Variants in SCO1 observed in about 807,000 individuals in gnomAD.
The protein encoded by SCO1 is cytochrome c oxidase assembly factor SCO1.
A neutral mutation model predicts 34.0 loss-of-function variants in SCO1; 23 were observed. The observed-to-expected ratio is 0.68, with a 90% CI of 0.49 to 0.96. SCO1 has a LOEUF of 0.96. Ranked by LOEUF, SCO1 falls within the 40% of genes least tolerant of loss-of-function variation. SCO1 has a pLI of 0.00. For synonymous variants in SCO1, 161 were observed against 145.5 expected, an observed-to-expected ratio of 1.11 and a Z score of -0.77; for missense variants, 404 against 381.6, an observed-to-expected ratio of 1.06 and a Z score of -0.49.
chr17:10,686,903 T>C (rs1041335682), intron 4 of SCO1, 61 bp from the exon 5 acceptor site: 12 of 1,077,528 alleles, frequency 1.1e-5, no homozygotes, highest in African/African-American at 1.1e-4. Context: ...CCATCTCTAC[T>C]TCAAAAAATG....
In SCO1 at chr17:10,683,625, T is replaced by A. The variant is rs77477798; in HGVS notation, c.772-2372A>T. Among the ~76,000 whole-genome samples, 131 of 152,186 alleles carry A rather than the reference T, an allele frequency of 8.6e-4. 1 individual carries two copies. The highest frequency in any genetic ancestry group is 2.7e-3 in the African/African-American group (112 of 41,542). ...GAGCCAAGAGAAAAATGTTACCTCATTATACAATTCACATTTCTTTTATTA... is the reference window on the plus strand; with the variant it reads ...GAGCCAAGAGAAAAATGTTACCTCAATATACAATTCACATTTCTTTTATTA... On this transcript the variant is annotated intron_variant, in intron 5 of 5. Transcript: ENST00000255390.
At chr17:10,696,815 TAAG>T (rs2074731642) in intron 1 of SCO1, among the ~76,000 whole-genome samples, 1 of 152,188 alleles carries the variant, frequency 6.6e-6, no homozygotes, top group African/African-American at 2.4e-5. Flanking sequence ...CACACATAAC[TAAG>T]TTCCACTTTT....
chr17:10,689,357 T>C (rs1020390766), intron 4 of SCO1, among the ~76,000 whole-genome samples: 4 of 152,192 alleles, frequency 2.6e-5, no homozygotes, highest in African/African-American at 9.7e-5. Context: ...CAGCAGATCC[T>C]TCATAAAACA....
intron 1 of SCO1, among the ~76,000 whole-genome samples, chr17:10,696,897 A>C (rs924508921): frequency 6.6e-6 from 1 of 152,072 alleles, no homozygotes; most frequent in African/African-American, 2.4e-5. Flanking sequence ...AAGTCCTCTG[A>C]CTTCTCAATC....
At chr17:10,696,011 G>A (rs2074721039) in intron 1 of SCO1, among the ~76,000 whole-genome samples, 180 bp from the exon 2 acceptor site, 3 of 132,398 alleles carry the variant, frequency 2.3e-5, no homozygotes, top group Non-Finnish European at 4.6e-5. Flanking sequence ...TCTGGGATCT[G>A]AACTACAAAG....
intron 2 of SCO1, among the ~76,000 whole-genome samples, chr17:10,693,538 TATATAG>T (rs1478833887): frequency 1.3e-5 from 2 of 152,262 alleles, no homozygotes; most frequent in East Asian, 1.9e-4. Context: ...AACTTCTATC[TATATAG>T]ATATAAATAA....
At chr17:10,683,736 TTA>T (rs201902186) in intron 5 of SCO1, among the ~76,000 whole-genome samples, 3 of 149,718 alleles carry the variant, frequency 2.0e-5, no homozygotes, top group East Asian at 1.9e-4. Context: ...TAATATAGTA[TTA>T]TATATATATA....
At position 10,679,393 on chromosome 17, in the gene SCO1, T is replaced by G. The variant is rs538265674; in HGVS notation, c.*1726A>C. 1 of 152,370 alleles carries G rather than the reference T, an allele frequency of 6.6e-6. No homozygotes were observed. The highest frequency in any genetic ancestry group is 1.9e-4 in the East Asian group (1 of 5,190). The allele number at this position is 152,370 out of a possible 1,614,324, so 9.4% of individuals were successfully genotyped here. A position where few individuals can be genotyped will look rare whatever the true frequency, so the allele number is the denominator to read the frequency against. On this transcript the variant is annotated 3_prime_UTR_variant, in exon 6 of 6. Transcript: ENST00000255390. ...GATTAGGGCTTCAATGTATAAATTT[T>G]GGGGGACATTATTCAACCTATAACT... is the stretch of plus-strand genomic sequence containing the variant.
At chr17:10,696,754 A>G (rs1300784554) in intron 1 of SCO1, among the ~76,000 whole-genome samples, 1 of 152,138 alleles carries the variant, frequency 6.6e-6, no homozygotes, top group African/African-American at 2.4e-5. Context: ...CTCTCAAGTT[A>G]TTTCTGGGTC....
Position 10,674,011 on chromosome 17 carries a change from C to A in SCO1, c.*7108G>T, listed in dbSNP as rs893462001. 6.6e-6 allele frequency: 1 copy of A among 152,186 alleles called. No individual in the cohort carries two copies. Among genetic ancestry groups the A allele is most frequent in the Non-Finnish European group, 1.5e-5 (1 of 68,040 alleles). The allele number at this position is 152,186 out of a possible 1,614,324, so 9.4% of individuals were successfully genotyped here. The stretch of plus-strand genomic sequence containing the variant: ...GGGAAAGATTACTTAATTCATTATT[C>A]TTTCTTGACTTTTTCCCCTTCCCTA... On this transcript the variant is annotated 3_prime_UTR_variant, in exon 6 of 6. Coordinates refer to ENST00000255390, the MANE Select transcript of SCO1 (RefSeq NM_004589.4).
chr17:10,695,667 A>C (rs2074716800), intron 2 of SCO1, 74 bp downstream of exon 2: 1 of 1,150,448 alleles, frequency 8.7e-7, no homozygotes, highest in Admixed American at 1.8e-5. Context: ...AAAAGCTAAA[A>C]AACAACAAAA....
chr17:10,695,495 C>A, intron 2 of SCO1: 1 of 445,648 alleles, frequency 2.2e-6, no homozygotes, highest in Non-Finnish European at 4.1e-6. Context: ...AATCCAAATA[C>A]AATCTGTAAT....
chr17:10,690,702 G>A (rs555023787), intron 4 of SCO1, among the ~76,000 whole-genome samples: 1 of 152,302 alleles, frequency 6.6e-6, no homozygotes, highest in Non-Finnish European at 1.5e-5. Context: ...ATCCAAAGGA[G>A]ATGAAAACAG....
At chr17:10,696,423 C>T (rs2074727122) in intron 1 of SCO1, among the ~76,000 whole-genome samples, 1 of 152,064 alleles carries the variant, frequency 6.6e-6, no homozygotes, top group Non-Finnish European at 1.5e-5. Context: ...CCAGCCTGGG[C>T]AAAAGAGCAA....
rs189457413 is a variant in SCO1 at position 10,688,042 on chromosome 17, C to T, written c.656-1200G>A. Among the ~76,000 whole-genome samples the T allele has an allele frequency of 2.8e-3, 430 of 152,250 alleles. 1 individual carries two copies. The Middle Eastern group carries it at 0.031, about 11-fold the overall frequency. On this transcript the variant is annotated intron_variant, in intron 4 of 5. Transcript: ENST00000255390. ...TAGATATAAATTATGCTTAAGTATA[C>T]GTAGTAAAAACTCTAAACTTCAAGA...
chr17:10,683,792 T>C (rs2074637001), intron 5 of SCO1: 1 of 151,844 alleles, frequency 6.6e-6, no homozygotes, highest in Admixed American at 6.6e-5. Context: ...ATTCCAAATA[T>C]TTGGTATACC....
At chr17:10,682,946 T>C (rs972724386) in intron 5 of SCO1, among the ~76,000 whole-genome samples, 4 of 152,194 alleles carry the variant, frequency 2.6e-5, no homozygotes, top group Non-Finnish European at 5.9e-5. Context: ...GTCCACAAAC[T>C]TTTATCACCA....
chr17:10,696,420 G>C (rs1005336031), intron 1 of SCO1, among the ~76,000 whole-genome samples: 15 of 152,116 alleles, frequency 9.9e-5, no homozygotes, highest in African/African-American at 3.6e-4. Flanking sequence ...ACTCCAGCCT[G>C]GGCAAAAGAG....
At position 10,697,342 on chromosome 17, in the gene SCO1, C is replaced by G; in HGVS notation, c.166G>C (p.Gly56Arg). Residue 56 changes from glycine (G) to arginine (R), a missense_variant, in exon 1 of 6, where the codon GGG becomes CGG. Gly to Arg is a moderately radical substitution (Grantham distance 125, BLOSUM62 -2). Transcript: ENST00000255390. ...GTTCCCAGGCAATAGCCAGGGCGCC[C>G]CGAGGCACGCCACGCCTCCGCTTGC... ...ARQAEAWRAS[G>R]RPGYCLGTRP... 6.3e-7 allele frequency: 1 copy of G among 1,577,772 alleles called. No homozygotes were observed.
Sources: allele counts gnomAD v4.1 joint callset (sites outside exome capture counted in the v4.1 genomes callset), GRCh38; gene constraint gnomAD v4.1.1; transcripts MANE v1.5; gene names NCBI Gene and HGNC (gene_info 2026-07-23, HGNC 2026-07-21).